The following POU2F2 variants were observed in gnomAD, a reference collection of about 807,000 sequenced individuals.
The protein encoded by POU2F2 is POU class 2 homeobox 2, also known as POU domain, class 2, transcription factor 2.
Under a neutral mutation model 63.5 loss-of-function variants are expected in POU2F2, and 14 were observed. The observed-to-expected ratio is 0.22, with a 90% CI of 0.15 to 0.34. The LOEUF (loss-of-function observed/expected upper bound fraction) is 0.34. POU2F2 is among the 10% of genes least tolerant of loss of function. POU2F2 has a pLI of 1.00. For missense variants in POU2F2, 607 were observed against 815.2 expected, an observed-to-expected ratio of 0.74 and a Z score of 3.11; for synonymous variants, 306 against 348.6, an observed-to-expected ratio of 0.88 and a Z score of 1.36.
rs556142915 is a variant in POU2F2 at position 42,089,202 on chromosome 19, A to G, written c.*2055T>C. 59 of 152,564 alleles carry G rather than the reference A, an allele frequency of 3.9e-4. No homozygotes were observed. The highest frequency in any genetic ancestry group is 3.8e-3 in the Admixed American group (58 of 15,272). The allele number at this position is 152,564 out of a possible 1,614,324, so 9.5% of individuals were successfully genotyped here. On this transcript the variant is annotated 3_prime_UTR_variant, in exon 15 of 15. Coordinates refer to ENST00000692977, the MANE Select transcript of POU2F2 (RefSeq NM_001394376.1). ...GAGACACAGAAAGAACAAGATTGAG[A>G]GAGAAGAGAGGAGAGCAAAGGGAGA...
At chr19:42,103,627 CTTTTTTTTTT>C (rs1001669920) in intron 5 of POU2F2, among the ~76,000 whole-genome samples, 2 of 100,556 alleles carry the variant, frequency 2.0e-5, no homozygotes, top group East Asian at 3.0e-4. Context: ...GGGCTCGTTT[CTTTTTTTTTT>C]TTTTTTTTTT....
chr19:42,102,175 C>T (rs2077170113), intron 5 of POU2F2, among the ~76,000 whole-genome samples: 2 of 152,148 alleles, frequency 1.3e-5, no homozygotes, highest in Admixed American at 1.3e-4. Flanking sequence ...GAAACTGTTT[C>T]AGTGGAAGCT....
At chr19:42,126,923 AT>A (rs1423416411) in intron 1 of POU2F2, among the ~76,000 whole-genome samples, 2 of 151,802 alleles carry the variant, frequency 1.3e-5, no homozygotes, top group Admixed American at 1.3e-4. Context: ...ATTTTATTTA[AT>A]TTATATTTTG....
rs1386253347 is a variant in POU2F2 at position 42,091,876 on chromosome 19, T to A, written c.1531A>T (p.Thr511Ser). 1.6e-5 allele frequency: 25 copies of A among 1,538,884 alleles called. No homozygotes were observed. The East Asian group carries it at 5.9e-4, about 36-fold the overall frequency. Reference sequence around the variant, plus strand: ...ATGAGGCAGCACGCACCTTGGATAGTGGCCAAAGGGTTGTTGCTCATGAGG... The same window carrying A: ...ATGAGGCAGCACGCACCTTGGATAGAGGCCAAAGGGTTGTTGCTCATGAGG... ...PALMSNNPLATIQALASGGTL... is the reference protein window; with the variant it reads ...PALMSNNPLASIQALASGGTL... Residue 511 changes from threonine to serine, a missense_variant, in exon 14 of 15, where the codon ACT becomes TCT. Thr to Ser is a moderately conservative substitution (Grantham distance 58). Transcript: ENST00000692977.
At chr19:42,167,221 G>A (rs559347671) in intron 1 of POU2F2, among the ~76,000 whole-genome samples, 21 of 152,298 alleles carry the variant, frequency 1.4e-4, no homozygotes, top group South Asian at 1.0e-3. Flanking sequence ...TTGGGAGGCC[G>A]TGGCGGGCAG....
chr19:42,120,218 C>CTTT (rs60956281), intron 4 of POU2F2, among the ~76,000 whole-genome samples: 4 of 139,142 alleles, frequency 2.9e-5, no homozygotes, highest in African/African-American at 8.0e-5. Context: ...GCCTAATCTC[C>CTTT]TTTTTTTTTT....
chr19:42,087,406 AG>A lies in POU2F2; in HGVS notation c.*3850del, dbSNP rs1176372786. 1 of 151,920 alleles carries A rather than the reference AG, an allele frequency of 6.6e-6. No individual in the cohort carries two copies. The highest frequency in any genetic ancestry group is 1.5e-5 in the Non-Finnish European group (1 of 67,982). 9.4% of individuals were successfully genotyped at this position (151,920 alleles called of 1,614,324 possible). A position where few individuals can be genotyped will look rare whatever the true frequency, so the allele number is the denominator to read the frequency against. ...GGCTAGTCCCTCGCCAGATCTCCCC[AG>A]GGCTTGGAGAGCCCGTCATGGCCTT... On this transcript the variant is annotated 3_prime_UTR_variant, in exon 15 of 15. Coordinates refer to ENST00000692977, the MANE Select transcript of POU2F2 (RefSeq NM_001394376.1).
intron 11 of POU2F2, among the ~76,000 whole-genome samples, chr19:42,094,950 T>G (rs540226006): frequency 2.1e-4 from 32 of 152,310 alleles, no homozygotes; most frequent in African/African-American, 7.2e-4. Flanking sequence ...GGCAAATAAG[T>G]GCCTCTCCCT....
At chr19:42,165,299 A>G (rs970394541) in intron 1 of POU2F2, among the ~76,000 whole-genome samples, 7 of 152,182 alleles carry the variant, frequency 4.6e-5, no homozygotes, top group African/African-American at 1.7e-4. Flanking sequence ...TCTGCTCTCA[A>G]TAGAGTGGGC....
chr19:42,133,562 CATG>C (rs2033905711), upstream of POU2F2: 2 of 154,556 alleles, frequency 1.3e-5, no homozygotes, highest in East Asian at 1.9e-4. The surrounding 1 kb of genome is among the most constrained non-coding windows in gnomAD (Gnocchi z 5.1). Flanking sequence ...ACCACAGGTG[CATG>C]CACAGACGCC....
intron 2 of POU2F2, among the ~76,000 whole-genome samples, chr19:42,145,999 C>T (rs2146763002): frequency 6.9e-6 from 1 of 145,334 alleles, no homozygotes; most frequent in East Asian, 2.0e-4. Context: ...CGCCACTGCA[C>T]TCCAGCCTGG....
At chr19:42,150,733 T>A (rs1353683965) in intron 2 of POU2F2, among the ~76,000 whole-genome samples, 1 of 151,698 alleles carries the variant, frequency 6.6e-6, no homozygotes, top group African/African-American at 2.4e-5. Context: ...TCCCCCAGCT[T>A]CTCCTGCTCC....
rs2076579936 is a variant in POU2F2, at chr19:42,087,269, C to T, written c.*3988G>A. ...CGCGTGTCTCAATCTTGCTGTCTGTCTCACTCTCTCTCTCACTCAGGTCCC... is the reference window on the plus strand; with the variant it reads ...CGCGTGTCTCAATCTTGCTGTCTGTTTCACTCTCTCTCTCACTCAGGTCCC... On this transcript the variant is annotated 3_prime_UTR_variant, in exon 15 of 15. Coordinates refer to ENST00000692977, the MANE Select transcript of POU2F2 (RefSeq NM_001394376.1). The T allele has an allele frequency of 6.6e-6, 1 of 151,680 alleles. No individual in the cohort carries two copies. Among genetic ancestry groups the T allele is most frequent in the African/African-American group, 2.4e-5 (1 of 41,226 alleles). 9.4% of individuals were successfully genotyped at this position (151,680 alleles called of 1,614,324 possible).
chr19:42,195,841 G>A (rs550562880), intron 1 of POU2F2, among the ~76,000 whole-genome samples: 125 of 147,474 alleles, frequency 8.5e-4, no homozygotes, highest in African/African-American at 2.8e-3. Context: ...CTTCAGTGGC[G>A]TGATTTCGGC....
intron 5 of POU2F2, among the ~76,000 whole-genome samples, chr19:42,101,185 C>G (rs972302297): frequency 6.6e-6 from 1 of 152,096 alleles, no homozygotes; most frequent in Non-Finnish European, 1.5e-5. Context: ...TTAAAATACT[C>G]CAGCAAATAG....
At chr19:42,102,685 G>GA (rs956218602) in intron 5 of POU2F2, among the ~76,000 whole-genome samples, 14 of 150,148 alleles carry the variant, frequency 9.3e-5, no homozygotes, top group Non-Finnish European at 1.6e-4. Context: ...AGAGGGAGGG[G>GA]AAAAAAAATC....
intron 5 of POU2F2, among the ~76,000 whole-genome samples, chr19:42,107,614 T>C (rs2030331029): frequency 6.6e-6 from 1 of 152,212 alleles, no homozygotes; most frequent in African/African-American, 2.4e-5. Context: ...TACTGTTGTC[T>C]GTTGTCTATA....
At chr19:42,171,250 T>A (rs938109775) in intron 1 of POU2F2, among the ~76,000 whole-genome samples, 1 of 152,158 alleles carries the variant, frequency 6.6e-6, no homozygotes, top group African/African-American at 2.4e-5. Context: ...TAGGTATATG[T>A]GTATGGGTGG....
chr19:42,174,558 C>T (rs1275265456), intron 1 of POU2F2, among the ~76,000 whole-genome samples: 1 of 152,032 alleles, frequency 6.6e-6, no homozygotes, highest in Non-Finnish European at 1.5e-5. Context: ...GATGGGGACC[C>T]CCAGTACCCA....
Sources: gnomAD v4.1 joint callset for allele counts (sites outside exome capture counted in the v4.1 genomes callset) on GRCh38, gnomAD v4.1.1 for gene constraint, Gnocchi (gnomAD v3.1) non-coding constraint, MANE v1.5 for transcripts, NCBI Gene and HGNC (gene_info 2026-07-23, HGNC 2026-07-21) for gene names.